The following PRKCE variants were observed in gnomAD, a reference collection of about 807,000 sequenced individuals.
The protein encoded by PRKCE is protein kinase C epsilon type.
Under a neutral mutation model 85.4 loss-of-function variants are expected in PRKCE, and 16 were observed. That is an observed-to-expected ratio of 0.19 (90% confidence interval 0.13 to 0.28). The LOEUF (loss-of-function observed/expected upper bound fraction) is 0.28. Ranked by LOEUF, PRKCE falls within the 10% of genes least tolerant of loss-of-function variation. The pLI, the probability that PRKCE is intolerant of heterozygous loss-of-function variation, is 1.00. For synonymous variants in PRKCE, 388 were observed against 371.5 expected, an observed-to-expected ratio of 1.04 and a Z score of -0.51; for missense variants, 573 against 975.2, an observed-to-expected ratio of 0.59 and a Z score of 5.49.
intron 2 of PRKCE, among the ~76,000 whole-genome samples, chr2:45,884,999 A>ATTTTTTTTTTTTTT (rs1265565855): frequency 3.2e-5 from 2 of 63,264 alleles, no homozygotes; most frequent in African/African-American, 1.2e-4. Flanking sequence ...ATATATATAT[A>ATTTTTTTTTTTTTT]TATTTGTTGT....
At position 46,145,299 on chromosome 2, in the gene PRKCE, C is replaced by G. The variant is rs759852592; in HGVS notation, c.1731+68C>G. ...ACCGAGGCAGGGGTCCAAACCCATG[C>G]ACTGGGGTCATCTAGTGGTGCTGGG... On this transcript the variant is annotated intron_variant, in intron 12 of 14. Transcript: ENST00000306156. This position sits in a 1 kb window ranked among gnomAD's most constrained non-coding sequence, Gnocchi z 4.6. The G allele has an allele frequency of 1.3e-6, 2 of 1,564,422 alleles. No homozygotes were observed. The highest frequency in any genetic ancestry group is 1.7e-6 in the Non-Finnish European group (2 of 1,151,344).
At chr2:45,841,271 G>T (rs1229648951) in intron 1 of PRKCE, among the ~76,000 whole-genome samples, 1 of 152,212 alleles carries the variant, frequency 6.6e-6, no homozygotes, top group African/African-American at 2.4e-5. Flanking sequence ...TAGGCCGTCT[G>T]CACGCTGAGG....
intron 1 of PRKCE, among the ~76,000 whole-genome samples, chr2:45,659,841 T>C (rs7563627): frequency 0.12 from 18,859 of 151,988 alleles, 1,293 homozygotes; most frequent in East Asian, 0.23. Context: ...TCCTGCCTTT[T>C]TTTTTTTTTA....
intron 1 of PRKCE, among the ~76,000 whole-genome samples, chr2:45,755,864 C>T (rs1054041753): frequency 6.6e-6 from 1 of 152,144 alleles, no homozygotes; most frequent in Admixed American, 6.5e-5. Context: ...GGGCTGGAGT[C>T]ACCAGAAGAA....
intron 10 of PRKCE, among the ~76,000 whole-genome samples, chr2:46,031,845 C>T (rs1574286887): frequency 6.6e-6 from 1 of 152,306 alleles, no homozygotes; most frequent in East Asian, 1.9e-4. Context: ...CCACATGCTC[C>T]TCACAGCCCC....
intron 2 of PRKCE, among the ~76,000 whole-genome samples, chr2:45,916,015 TTGG>T (rs1357852498): frequency 6.6e-6 from 1 of 151,858 alleles, no homozygotes; most frequent in African/African-American, 2.4e-5. Context: ...GCCTTGAAAA[TTGG>T]TGGTAGAACT....
intron 14 of PRKCE, among the ~76,000 whole-genome samples, chr2:46,169,406 A>G (rs1678667130): frequency 2.6e-5 from 4 of 152,190 alleles, no homozygotes; most frequent in Admixed American, 2.6e-4. Flanking sequence ...ACATAGCAGC[A>G]GCCCTTCACC....
chr2:46,093,124 G>A (rs904188305), intron 11 of PRKCE, among the ~76,000 whole-genome samples: 1 of 152,234 alleles, frequency 6.6e-6, no homozygotes, highest in African/African-American at 2.4e-5. Flanking sequence ...TATAGAAAAT[G>A]ATATTTTGAC....
intron 2 of PRKCE, among the ~76,000 whole-genome samples, chr2:45,858,954 T>A (rs1692915291): frequency 6.6e-6 from 1 of 151,738 alleles, no homozygotes; most frequent in African/African-American, 2.4e-5. Context: ...GGCGGGAGAA[T>A]CACTTGAACC....
chr2:46,111,315 T>G (rs1195744895), intron 11 of PRKCE, among the ~76,000 whole-genome samples: 1 of 152,228 alleles, frequency 6.6e-6, no homozygotes, highest in African/African-American at 2.4e-5. Flanking sequence ...TTAATCAGTT[T>G]TTTGGTAACA....
intron 2 of PRKCE, among the ~76,000 whole-genome samples, chr2:45,944,218 C>T (rs1700078127): frequency 6.6e-6 from 1 of 152,210 alleles, no homozygotes; most frequent in Non-Finnish European, 1.5e-5. Context: ...TGTCCATTTG[C>T]TCCATTCGGA....
rs1224035750 is a variant in PRKCE at position 45,924,133 on chromosome 2, C to T, written c.413-52296C>T. 4.6e-5 allele frequency among the ~76,000 whole-genome samples: 7 copies of T among 152,190 alleles called. No individual in the cohort carries two copies. In the East Asian group the frequency reaches 5.8e-4, roughly 13 times the overall value. On this transcript the variant is annotated intron_variant, in intron 2 of 14. Coordinates refer to ENST00000306156, the MANE Select transcript of PRKCE (RefSeq NM_005400.3). ...TTCCCATCTTCTCCTGTGCCTTAAA[C>T]CGTCAGGGACTTTCATGGGAACCTT...
intron 8 of PRKCE, among the ~76,000 whole-genome samples, chr2:46,006,648 A>G (rs1029142417): frequency 6.6e-6 from 1 of 152,222 alleles, no homozygotes; most frequent in Non-Finnish European, 1.5e-5. Context: ...CACACAGAAG[A>G]GTGCGTGTCT....
intron 2 of PRKCE, among the ~76,000 whole-genome samples, chr2:45,971,672 A>G (rs1702119281): frequency 6.6e-6 from 1 of 152,270 alleles, no homozygotes. Context: ...TAAAAAGAGC[A>G]ATAGAGATTC....
intron 12 of PRKCE, 38 bp from the exon 13 acceptor site, chr2:46,151,003 C>A (rs1159197307): frequency 1.9e-6 from 3 of 1,566,514 alleles, no homozygotes; most frequent in African/African-American, 2.7e-5. Context: ...GGGGTGGGAG[C>A]CTTTGATGGT....
At chr2:46,011,924 G>A (rs1705713561) in intron 10 of PRKCE, among the ~76,000 whole-genome samples, 1 of 152,152 alleles carries the variant, frequency 6.6e-6, no homozygotes, top group Non-Finnish European at 1.5e-5. Flanking sequence ...TTTCAAGATG[G>A]ACACATATTT....
chr2:45,837,415 C>G (rs1406651723), intron 1 of PRKCE, among the ~76,000 whole-genome samples: 1 of 152,172 alleles, frequency 6.6e-6, no homozygotes, highest in Non-Finnish European at 1.5e-5. Flanking sequence ...TGCCTCCACA[C>G]CCAGCTAATT....
intron 11 of PRKCE, among the ~76,000 whole-genome samples, chr2:46,136,767 A>T (rs1436628073): frequency 6.6e-6 from 1 of 152,034 alleles, no homozygotes; most frequent in Non-Finnish European, 1.5e-5. Flanking sequence ...CTTCCCTGGG[A>T]ACTTTGTGTT....
intron 1 of PRKCE, among the ~76,000 whole-genome samples, chr2:45,761,226 C>T (rs1684459914): frequency 1.4e-5 from 2 of 146,182 alleles, no homozygotes; most frequent in South Asian, 4.4e-4. Context: ...ACTCGGGAGG[C>T]TGAGGCAGGA....
Sources: gnomAD v4.1 joint callset for allele counts (sites outside exome capture counted in the v4.1 genomes callset) on GRCh38, gnomAD v4.1.1 for gene constraint, Gnocchi (gnomAD v3.1) non-coding constraint, MANE v1.5 for transcripts, NCBI Gene and HGNC (gene_info 2026-07-23, HGNC 2026-07-21) for gene names.